The following KLHL1 variants were observed in gnomAD, a reference collection of about 807,000 sequenced individuals.
The protein encoded by KLHL1 is kelch-like protein 1.
Under a neutral mutation model 77.7 loss-of-function variants are expected in KLHL1, and 47 were observed. The observed-to-expected ratio is 0.60, with a 90% CI of 0.48 to 0.77. KLHL1 has a LOEUF of 0.77. Among genes scored for constraint, KLHL1 ranks in the 30% least tolerant of loss-of-function variants. KLHL1 has a pLI of 0.00. For missense variants in KLHL1, 925 were observed against 910.8 expected, an observed-to-expected ratio of 1.02 and a Z score of -0.20; for synonymous variants, 360 against 325.2, an observed-to-expected ratio of 1.11 and a Z score of -1.15.
chr13:70,093,809 C>T (rs900555562), intron 1 of KLHL1, among the ~76,000 whole-genome samples: 3 of 152,064 alleles, frequency 2.0e-5, no homozygotes, highest in Non-Finnish European at 4.4e-5. Flanking sequence ...GGAGTATGAA[C>T]CTTAGTTTTA....
chr13:69,854,963 G>T (rs909730633), intron 5 of KLHL1, among the ~76,000 whole-genome samples: 1 of 151,928 alleles, frequency 6.6e-6, no homozygotes, highest in Non-Finnish European at 1.5e-5. Flanking sequence ...GAAAAAAATT[G>T]TTGGCTATGA....
intron 1 of KLHL1, among the ~76,000 whole-genome samples, chr13:70,069,938 G>C (rs2137416397): frequency 6.6e-6 from 1 of 152,102 alleles, no homozygotes; most frequent in Admixed American, 6.5e-5. Context: ...GGAGGCCGAG[G>C]CAGGCAGATC....
intron 1 of KLHL1, among the ~76,000 whole-genome samples, chr13:70,036,759 T>C (rs1886247525): frequency 6.6e-6 from 1 of 151,718 alleles, no homozygotes; most frequent in African/African-American, 2.4e-5. Flanking sequence ...TTGAAACTTT[T>C]ATTCATCCCA....
In KLHL1 at chr13:69,719,462, C is replaced by A; in HGVS notation, c.1922G>T (p.Gly641Val). 6.2e-7 allele frequency: 1 copy of A among 1,613,536 alleles called. No homozygotes were observed. Among genetic ancestry groups the A allele is most frequent in the Non-Finnish European group, 8.5e-7 (1 of 1,179,760 alleles). ...AAGAAAACCGTCACATGTGGCCACTCCGACACCCCCTCTCCTCTTACACAT... is the reference window on the plus strand; with the variant it reads ...AAGAAAACCGTCACATGTGGCCACTACGACACCCCCTCTCCTCTTACACAT... The part of the protein sequence containing the change: ...APMCKRRGGV[G>V]VATCDGFLYA... Residue 641 changes from glycine (G) to valine (V), a missense_variant, in exon 9 of 11, where the codon GGA (glycine) becomes GTA (valine). By Grantham distance (109) the Gly-to-Val change is moderately radical. Coordinates refer to ENST00000377844, the MANE Select transcript of KLHL1 (RefSeq NM_020866.3).
Position 69,741,323 on chromosome 13 carries a change from T to C in KLHL1, c.1640-767A>G, listed in dbSNP as rs1873979525. On this transcript the variant is annotated intron_variant, in intron 7 of 10. Coordinates refer to ENST00000377844, the MANE Select transcript of KLHL1 (RefSeq NM_020866.3). ...AATGTAAATATTGATTGATGTGCTC[T>C]TTAGCTGTACAGAAATTCTGATGAA... 1.3e-5 allele frequency among the ~76,000 whole-genome samples: 2 copies of C among 152,144 alleles called. 1 individual carries two copies. The highest frequency in any genetic ancestry group is 4.1e-4 in the South Asian group (2 of 4,834).
chr13:70,053,422 T>TA (rs1449668685), intron 1 of KLHL1, among the ~76,000 whole-genome samples: 1 of 151,916 alleles, frequency 6.6e-6, no homozygotes, highest in Non-Finnish European at 1.5e-5. Flanking sequence ...GAAGTGAAAA[T>TA]AATATATGTG....
At chr13:69,805,757 G>GA (rs1165286501) in intron 6 of KLHL1, among the ~76,000 whole-genome samples, 1 of 149,602 alleles carries the variant, frequency 6.7e-6, no homozygotes, top group Non-Finnish European at 1.5e-5. Flanking sequence ...TGGAAGAAAA[G>GA]AAAAAACAAA....
At chr13:69,801,096 T>C (rs559664039) in intron 6 of KLHL1, among the ~76,000 whole-genome samples, 3 of 152,202 alleles carry the variant, frequency 2.0e-5, no homozygotes, top group Admixed American at 6.5e-5. Context: ...ATGTAATCCA[T>C]GCATGTAACA....
intron 1 of KLHL1, among the ~76,000 whole-genome samples, chr13:70,052,744 T>G (rs1288561122): frequency 6.6e-6 from 1 of 151,918 alleles, no homozygotes; most frequent in Non-Finnish European, 1.5e-5. Flanking sequence ...CTCTCTCACA[T>G]GCACATACAT....
chr13:70,026,007 C>G (rs1370144610), intron 1 of KLHL1, among the ~76,000 whole-genome samples: 1 of 152,180 alleles, frequency 6.6e-6, no homozygotes, highest in African/African-American at 2.4e-5. Context: ...ATTGACCTTC[C>G]ATTTGTGGTA....
chr13:69,969,937 C>G (rs576934890), intron 2 of KLHL1, among the ~76,000 whole-genome samples: 1 of 1,834 alleles, frequency 5.5e-4, no homozygotes, highest in East Asian at 0.033. Context: ...ATCGATTAAA[C>G]TTTTTAAGTT....
At chr13:69,934,300 C>T (rs17085671) in intron 4 of KLHL1, among the ~76,000 whole-genome samples, 6,596 of 152,126 alleles carry the variant, frequency 0.043, 310 homozygotes, top group African/African-American at 0.12. Context: ...TTTTTTATTT[C>T]TCAGTCTCCG....
intron 1 of KLHL1, among the ~76,000 whole-genome samples, chr13:70,088,806 C>A (rs1480016356): frequency 6.6e-6 from 1 of 151,774 alleles, no homozygotes; most frequent in Non-Finnish European, 1.5e-5. Flanking sequence ...CTTTTATATT[C>A]ATGTACATAT....
rs563200940 is a variant in KLHL1, at chr13:69,924,143, T to C, written c.1014+15897A>G. ...TGGGAGGGAGGCCAAGGAGGGAGCT[T>C]GGTGCTGGCTTGCAGGTGCTCCTCA... On this transcript the variant is annotated intron_variant, in intron 4 of 10. Transcript: ENST00000377844. 1.8e-3 allele frequency among the ~76,000 whole-genome samples: 271 copies of C among 152,260 alleles called. 2 individuals are homozygous for C. Among genetic ancestry groups the C allele is most frequent in the African/African-American group, 6.3e-3 (261 of 41,554 alleles).
In KLHL1 at chr13:70,108,022, G is replaced by C; in HGVS notation, c.-323C>G. The C allele has an allele frequency of 2.3e-6, 1 of 441,704 alleles. No homozygotes were observed. Among genetic ancestry groups the C allele is most frequent in the Non-Finnish European group, 4.0e-6 (1 of 251,104 alleles). 27.4% of individuals were successfully genotyped at this position (441,704 alleles called of 1,614,324 possible). A position where few individuals can be genotyped will look rare whatever the true frequency, so the allele number is the denominator to read the frequency against. ...CGAGAGCCCCGTGTTATGGCGAGGT[G>C]GGACAACCCTTAGGCTGGAGATGCG... is the stretch of plus-strand genomic sequence containing the variant. On this transcript the variant is annotated 5_prime_UTR_variant, in exon 1 of 11. Coordinates refer to ENST00000377844, the MANE Select transcript of KLHL1 (RefSeq NM_020866.3).
intron 6 of KLHL1, among the ~76,000 whole-genome samples, chr13:69,804,747 T>A (rs922127344): frequency 6.6e-6 from 1 of 152,156 alleles, no homozygotes; most frequent in Non-Finnish European, 1.5e-5. Flanking sequence ...ATAAAATCCA[T>A]ATTATATAAT....
At chr13:69,953,458 G>A (rs915138967) in intron 3 of KLHL1, among the ~76,000 whole-genome samples, 1 of 150,958 alleles carries the variant, frequency 6.6e-6, no homozygotes, top group South Asian at 2.1e-4. Context: ...TAGAAAAGAT[G>A]TCAAAATGTC....
intron 7 of KLHL1, among the ~76,000 whole-genome samples, chr13:69,753,247 G>A (rs949301979): frequency 6.6e-6 from 1 of 152,040 alleles, no homozygotes; most frequent in Non-Finnish European, 1.5e-5. Context: ...AAATAAAAAG[G>A]CTGTAAAAAA....
intron 1 of KLHL1, among the ~76,000 whole-genome samples, chr13:70,072,572 T>C (rs9529678): frequency 0.14 from 21,195 of 152,030 alleles, 1,656 homozygotes; most frequent in Non-Finnish European, 0.15. Context: ...TAGAAAAATG[T>C]ATAACAATAA....
Sources: gnomAD v4.1 joint callset for allele counts (sites outside exome capture counted in the v4.1 genomes callset) on GRCh38, gnomAD v4.1.1 for gene constraint, MANE v1.5 for transcripts, NCBI Gene and HGNC (gene_info 2026-07-23, HGNC 2026-07-21) for gene names.